The following DYNLT4 variants were observed in gnomAD, a reference collection of about 807,000 sequenced individuals.
The protein encoded by DYNLT4 is dynein light chain Tctex-type 4.
Under a neutral mutation model 1.5 loss-of-function variants are expected in DYNLT4, and 3 were observed. That is an observed-to-expected ratio of 1.97 (90% CI 0.90 to 5.08). The LOEUF is 5.08. Ranked by LOEUF, DYNLT4 falls within the 30% of genes most tolerant of loss-of-function variation. The pLI is 0.02. For missense variants in DYNLT4, 346 were observed against 341.0 expected (o/e 1.01, Z -0.12); for synonymous variants, 181 against 160.0 (o/e 1.13, Z -0.99).
chr1:44,806,103 C>G lies in DYNLT4; in HGVS notation c.566G>C (p.Arg189Pro), dbSNP rs1362806633. ...RAGQGVHVVSRALWDVARDGL... is the reference protein window; with the variant it reads ...RAGQGVHVVSPALWDVARDGL... Reference sequence around the variant, plus strand: ...ATCGCGCGCCACGTCCCAGAGCGCACGGCTGACCACGTGAACGCCCTGGCC... The same window carrying G: ...ATCGCGCGCCACGTCCCAGAGCGCAGGGCTGACCACGTGAACGCCCTGGCC... Residue 189 changes from arginine (R) to proline (P), a missense_variant, in exon 3 of 3, where the codon CGT (arginine) becomes CCT (proline). By Grantham distance (103) the Arg-to-Pro change is moderately radical. Transcript: ENST00000339355. 6.2e-7 allele frequency: 1 copy of G among 1,608,304 alleles called. No homozygotes were observed. The highest frequency in any genetic ancestry group is 8.5e-7 in the Non-Finnish European group (1 of 1,178,048).
chr1:44,806,378 G>A lies in DYNLT4; in HGVS notation c.291C>T (p.Pro97=), dbSNP rs760469096. 1 of 1,527,526 alleles carries A rather than the reference G, an allele frequency of 6.5e-7. No individual in the cohort carries two copies. The highest frequency in any genetic ancestry group is 1.2e-5 in the South Asian group (1 of 82,868). 94.6% of individuals were successfully genotyped at this position (1,527,526 alleles called of 1,614,324 possible). A position where few individuals can be genotyped will look rare whatever the true frequency, so the allele number is the denominator to read the frequency against. ...LGSRVSFSGL[P]LAPARWVAPS... is the part of the protein sequence containing the mutation. Reference sequence around the variant, plus strand: ...GCGCCACCCAACGGGCGGGCGCCAGGGGCAACCCTGAGAAGCTGACCCTTG... The same window carrying A: ...GCGCCACCCAACGGGCGGGCGCCAGAGGCAACCCTGAGAAGCTGACCCTTG... The change falls in exon 3 of 3, where the codon CCC becomes CCT. Residue 97 remains proline (P), a synonymous_variant. Coordinates refer to ENST00000339355, the MANE Select transcript of DYNLT4 (RefSeq NM_001377534.1).
intron 1 of DYNLT4, 88 bp downstream of exon 1, chr1:44,807,237 C>A: frequency 1.4e-6 from 1 of 695,238 alleles, no homozygotes. Context: ...AAGCCCCCTT[C>A]CACCTTCTGC....
rs999891433 is a variant in DYNLT4, at chr1:44,806,597, T to G, written c.72A>C (p.Ser24=). The change falls in exon 3 of 3, where the codon TCA becomes TCC. Residue 24 remains serine, a synonymous_variant. Transcript: ENST00000339355. ...GCAGGCAGCCTCGGGGCCGCACCGG[T>G]GAGGGTTTCCGCCCGGAGTCTTTGG... ...ENAKDSGRKP[S]PVRPRGCLPS... 3 of 1,480,000 alleles carry G rather than the reference T, an allele frequency of 2.0e-6. No homozygotes were observed. The African/African-American group carries it at 4.4e-5, about 22-fold the overall frequency. 91.7% of individuals were successfully genotyped at this position (1,480,000 alleles called of 1,614,324 possible). A position where few individuals can be genotyped will look rare whatever the true frequency, so the allele number is the denominator to read the frequency against.
chr1:44,806,048 G>C lies in DYNLT4; in HGVS notation c.621C>G (p.Thr207=), dbSNP rs765236437. The change falls in exon 3 of 3, where the codon ACC becomes ACG. Residue 207 remains threonine (T), a synonymous_variant. Coordinates refer to ENST00000339355, the MANE Select transcript of DYNLT4 (RefSeq NM_001377534.1). ...GGACCGTGGCCACCGCGAAGAGCGA[G>C]GTGTTGGTGTAGGAGACCGAGGCCA... The part of the protein sequence containing the change: ...DGLASVSYTN[T]SLFAVATVHG... 1 of 1,587,030 alleles carries C rather than the reference G, an allele frequency of 6.3e-7. No homozygotes were observed. The highest frequency in any genetic ancestry group is 8.6e-7 in the Non-Finnish European group (1 of 1,163,938).
intron 1 of DYNLT4, 101 bp downstream of exon 1, chr1:44,807,224 A>G: frequency 1.3e-6 from 1 of 784,520 alleles, no homozygotes. Flanking sequence ...CAGATGACTC[A>G]TGAAGCCCCC....
Position 44,806,583 on chromosome 1 carries a change from CG to C in DYNLT4, c.85del (p.Arg29GlufsTer229). The C allele has an allele frequency of 6.7e-7, 1 of 1,491,028 alleles. No individual in the cohort carries two copies. The highest frequency in any genetic ancestry group is 2.5e-5 in the Admixed American group (1 of 40,312). 92.4% of individuals were successfully genotyped at this position (1,491,028 alleles called of 1,614,324 possible). A position where few individuals can be genotyped will look rare whatever the true frequency, so the allele number is the denominator to read the frequency against. The part of the protein sequence containing the change: ...SGRKPSPVRP[R>X]GCLPSIDEAR... ...CTCATCAATGCTGGGCAGGCAGCCT[CG>C]GGGCCGCACCGGTGAGGGTTTCCGC... is the stretch of plus-strand genomic sequence containing the variant. On this transcript the variant is annotated frameshift_variant, in exon 3 of 3. Coordinates refer to ENST00000339355, the MANE Select transcript of DYNLT4 (RefSeq NM_001377534.1). LOFTEE classifies it low-confidence loss of function (END_TRUNC).
chr1:44,807,096 C>A, intron 1 of DYNLT4: 3 of 985,410 alleles, frequency 3.0e-6, no homozygotes, highest in Non-Finnish European at 3.6e-6. Context: ...AGACTCAGCT[C>A]CTTCAACCCC....
rs948811022 is a variant in DYNLT4 at position 44,806,465 on chromosome 1, G to T, written c.204C>A (p.Val68=). 1.3e-6 allele frequency: 2 copies of T among 1,523,598 alleles called. No individual in the cohort carries two copies. Among genetic ancestry groups the T allele is most frequent in the Non-Finnish European group, 1.8e-6 (2 of 1,141,428 alleles). The allele number at this position is 1,523,598 out of a possible 1,614,324, so 94.4% of individuals were successfully genotyped here. A position where few individuals can be genotyped will look rare whatever the true frequency, so the allele number is the denominator to read the frequency against. Residue 68 remains valine (V), a synonymous_variant, in exon 3 of 3, where the codon GTC becomes GTA. Coordinates refer to ENST00000339355, the MANE Select transcript of DYNLT4 (RefSeq NM_001377534.1). The part of the protein sequence containing the change: ...AASFSRRNSL[V]GPGAGPGGQR... ...GACCCCCAGGACCCGCGCCTGGCCC[G>T]ACCAGCGAGTTGCGGCGGGAGAAGG...
chr1:44,807,006 C>G, intron 1 of DYNLT4, 168 bp from the exon 2 acceptor site: 2 of 985,410 alleles, frequency 2.0e-6, no homozygotes, highest in Non-Finnish European at 2.4e-6. Context: ...CACCCGACTT[C>G]TCTGGAAGGA....
chr1:44,806,372 C>A lies in DYNLT4; in HGVS notation c.297G>T (p.Ala99=). The part of the protein sequence containing the change: ...SRVSFSGLPL[A]PARWVAPSYR... ...AGGAGGGCGCCACCCAACGGGCGGG[C>A]GCCAGGGGCAACCCTGAGAAGCTGA... Residue 99 remains alanine (A), a synonymous_variant, in exon 3 of 3, where the codon GCG becomes GCT. Coordinates refer to ENST00000339355, the MANE Select transcript of DYNLT4 (RefSeq NM_001377534.1). 1 of 1,524,758 alleles carries A rather than the reference C, an allele frequency of 6.6e-7. No individual in the cohort carries two copies. The highest frequency in any genetic ancestry group is 8.8e-7 in the Non-Finnish European group (1 of 1,142,202). The allele number at this position is 1,524,758 out of a possible 1,614,324, so 94.5% of individuals were successfully genotyped here.
rs751571534 is a variant in DYNLT4, at chr1:44,806,135, C to G, written c.534G>C (p.Pro178=). 2 of 1,596,728 alleles carry G rather than the reference C, an allele frequency of 1.3e-6. No homozygotes were observed. Among genetic ancestry groups the G allele is most frequent in the Non-Finnish European group, 1.7e-6 (2 of 1,173,166 alleles). ...CCACGTGAACGCCCTGGCCCGCGCG[C>G]GGCCCCAGCACCACACTGCATACCA... ...YKLVCSVVLG[P]RAGQGVHVVS... is the part of the protein sequence containing the mutation. The change falls in exon 3 of 3, where the codon CCG becomes CCC. Residue 178 remains proline, a synonymous_variant. Transcript: ENST00000339355.
chr1:44,805,980 A>G lies in DYNLT4; in HGVS notation c.*23T>C, dbSNP rs528183058. 10 of 1,521,512 alleles carry G rather than the reference A, an allele frequency of 6.6e-6. No homozygotes were observed. The highest frequency in any genetic ancestry group is 5.2e-5 in the South Asian group (4 of 76,962). 94.3% of individuals were successfully genotyped at this position (1,521,512 alleles called of 1,614,324 possible). A position where few individuals can be genotyped will look rare whatever the true frequency, so the allele number is the denominator to read the frequency against. ...GGGCCTCCTCCTAGGATAATAAACA[A>G]TTTTGCAGAATTGGACTCCCCCTCA... On this transcript the variant is annotated 3_prime_UTR_variant, in exon 3 of 3. Transcript: ENST00000339355.
Position 44,806,409 on chromosome 1 carries a change from A to G in DYNLT4, c.260T>C (p.Leu87Pro). The change falls in exon 3 of 3, where the codon CTG becomes CCG. Residue 87 changes from leucine to proline, a missense_variant. Leu to Pro is a moderately conservative substitution (Grantham distance 98, BLOSUM62 -3). Transcript: ENST00000339355. ...QRPSLGPVPP[L>P]GSRVSFSGLP... Reference sequence around the variant, plus strand: ...CCCTGAGAAGCTGACCCTTGAGCCCAGAGGGGGCACCGGGCCCAGGGATGG... The same window carrying G: ...CCCTGAGAAGCTGACCCTTGAGCCCGGAGGGGGCACCGGGCCCAGGGATGG... 1 of 1,521,788 alleles carries G rather than the reference A, an allele frequency of 6.6e-7. No homozygotes were observed. Among genetic ancestry groups the G allele is most frequent in the African/African-American group, 1.4e-5 (1 of 70,146 alleles). 94.3% of individuals were successfully genotyped at this position (1,521,788 alleles called of 1,614,324 possible).
rs559635815 is a variant in DYNLT4 at position 44,805,956 on chromosome 1, G to C, written c.*47C>G. 6.4e-5 allele frequency: 96 copies of C among 1,509,800 alleles called. No individual in the cohort carries two copies. The Admixed American group carries it at 1.7e-3, about 26-fold the overall frequency. 93.5% of individuals were successfully genotyped at this position (1,509,800 alleles called of 1,614,324 possible). A position where few individuals can be genotyped will look rare whatever the true frequency, so the allele number is the denominator to read the frequency against. On this transcript the variant is annotated 3_prime_UTR_variant, in exon 3 of 3. Coordinates refer to ENST00000339355, the MANE Select transcript of DYNLT4 (RefSeq NM_001377534.1). The stretch of plus-strand genomic sequence containing the variant: ...TTTATTGGGATGTGAGCCCCAGGGG[G>C]GCCTCCTCCTAGGATAATAAACAAT...
chr1:44,806,731 C>A, intron 2 of DYNLT4, 52 bp from the exon 3 acceptor site: 1 of 1,398,724 alleles, frequency 7.1e-7, no homozygotes, highest in African/African-American at 1.5e-5. Flanking sequence ...TCTACCCACC[C>A]CAGCCTCTTG....
At chr1:44,807,056 GC>G in intron 1 of DYNLT4, 1 of 985,404 alleles carries the variant, frequency 1.0e-6, no homozygotes, top group Non-Finnish European at 1.2e-6. Context: ...TGGAGGCAGA[GC>G]CTCCAACCCC....
Position 44,806,679 on chromosome 1 carries a change from G to A in DYNLT4, c.-11C>T, listed in dbSNP as rs776581254. 1.4e-6 allele frequency: 2 copies of A among 1,452,612 alleles called. No individual in the cohort carries two copies. Among genetic ancestry groups the A allele is most frequent in the Non-Finnish European group, 1.8e-6 (2 of 1,106,442 alleles). The allele number at this position is 1,452,612 out of a possible 1,614,324, so 90.0% of individuals were successfully genotyped here. ...AGGCCTGCTGGCCATGGACCTGCTG[G>A]CTGGAGGAACCACACTCAGGGTGGC... is the stretch of plus-strand genomic sequence containing the variant. On this transcript the variant is annotated splice_region_variant and 5_prime_UTR_variant, in exon 3 of 3. Coordinates refer to ENST00000339355, the MANE Select transcript of DYNLT4 (RefSeq NM_001377534.1).
Position 44,806,588 on chromosome 1 carries a change from C to G in DYNLT4, c.81G>C (p.Arg27=). The change falls in exon 3 of 3, where the codon CGG becomes CGC. Residue 27 remains arginine, a synonymous_variant. Coordinates refer to ENST00000339355, the MANE Select transcript of DYNLT4 (RefSeq NM_001377534.1). ...KDSGRKPSPV[R]PRGCLPSIDE... ...CAATGCTGGGCAGGCAGCCTCGGGG[C>G]CGCACCGGTGAGGGTTTCCGCCCGG... 6.7e-7 allele frequency: 1 copy of G among 1,491,444 alleles called. No individual in the cohort carries two copies. Among genetic ancestry groups the G allele is most frequent in the East Asian group, 2.6e-5 (1 of 38,134 alleles). 92.4% of individuals were successfully genotyped at this position (1,491,444 alleles called of 1,614,324 possible). A position where few individuals can be genotyped will look rare whatever the true frequency, so the allele number is the denominator to read the frequency against.
rs1652076499 is a variant in DYNLT4 at position 44,806,295 on chromosome 1, CGCTGT to C, written c.369_373del (p.Gln124CysfsTer110). 1 of 1,479,648 alleles carries C rather than the reference CGCTGT, an allele frequency of 6.8e-7. No individual in the cohort carries two copies. Among genetic ancestry groups the C allele is most frequent in the African/African-American group, 1.4e-5 (1 of 69,122 alleles). The allele number at this position is 1,479,648 out of a possible 1,614,324, so 91.7% of individuals were successfully genotyped here. ...TGCGGCCAGCGCCGCCTCCAGGGCA[CGCTGT>C]GCACGCGCAGCCTCCCAGCGCTCCC... On this transcript the variant is annotated frameshift_variant, in exon 3 of 3. Coordinates refer to ENST00000339355, the MANE Select transcript of DYNLT4 (RefSeq NM_001377534.1). LOFTEE classifies it low-confidence loss of function (END_TRUNC).
Sources: allele counts gnomAD v4.1 joint callset, GRCh38; gene constraint gnomAD v4.1.1; transcripts MANE v1.5; gene names NCBI Gene and HGNC (gene_info 2026-07-23, HGNC 2026-07-21).